SI: variants seen among roughly 807,000 people sequenced by gnomAD.
SI encodes sucrase-isomaltase, intestinal.
A neutral mutation model predicts 253.3 loss-of-function variants in SI; 235 were observed. That is an observed-to-expected ratio of 0.93 (90% confidence interval 0.83 to 1.03). SI has a LOEUF of 1.03. SI is among the 50% of genes least tolerant of loss of function. The probability of loss-of-function intolerance (pLI) is 0.00; values close to 1 mark genes in which losing one functional copy is unlikely to be tolerated. For synonymous variants in SI, 819 were observed against 712.0 expected (o/e 1.15, Z -2.39); for missense variants, 2,442 against 2,211.1 (o/e 1.10, Z -2.09).
chr3:165,010,279 C>A (rs1452794638), intron 34 of SI, among the ~76,000 whole-genome samples: 7 of 152,086 alleles, frequency 4.6e-5, no homozygotes, highest in African/African-American at 1.7e-4. Flanking sequence ...CCTGCCTCAG[C>A]CTCCAGAGTA....
At chr3:165,046,747 G>T in intron 16 of SI, 94 bp downstream of exon 16, 1 of 1,012,782 alleles carries the variant, frequency 9.9e-7, no homozygotes. Context: ...TCTGTAACAT[G>T]CCTTTTGATC....
At chr3:165,008,467 T>C (rs1576881947) in intron 35 of SI, among the ~76,000 whole-genome samples, 1 of 151,944 alleles carries the variant, frequency 6.6e-6, no homozygotes, top group East Asian at 1.9e-4. Flanking sequence ...ATGATCTAAA[T>C]AAATAAGTCA....
chr3:165,050,904 A>T lies in SI; in HGVS notation c.1513-1029T>A, dbSNP rs182672473. On this transcript the variant is annotated intron_variant, in intron 13 of 47. Transcript: ENST00000264382. ...TTTCAATCCTCCCTTTAACCTTAAC[A>T]CTCCTATATTAACTTTGCAATCATT... is the stretch of plus-strand genomic sequence containing the variant. Among the ~76,000 whole-genome samples the T allele has an allele frequency of 9.8e-4, 149 of 151,656 alleles. 3 individuals carry two copies. Among genetic ancestry groups the T allele is most frequent in the Non-Finnish European group, 8.0e-4 (54 of 67,874 alleles).
intron 3 of SI, among the ~76,000 whole-genome samples, chr3:165,070,192 A>G (rs1209739676): frequency 7.3e-6 from 1 of 136,354 alleles, no homozygotes; most frequent in Non-Finnish European, 1.6e-5. Flanking sequence ...ATTTATATAT[A>G]AAGTATATAT....
intron 13 of SI, among the ~76,000 whole-genome samples, chr3:165,051,352 C>G (rs1713418616): frequency 6.6e-6 from 1 of 151,946 alleles, no homozygotes; most frequent in Non-Finnish European, 1.5e-5. Context: ...TTTCCACTTC[C>G]CAAATGTTTT....
At chr3:165,050,061 T>C (rs1713348541) in intron 13 of SI, among the ~76,000 whole-genome samples, 186 bp from the exon 14 acceptor site, 1 of 152,088 alleles carries the variant, frequency 6.6e-6, no homozygotes, top group Admixed American at 6.6e-5. Flanking sequence ...GTATCTTAGA[T>C]GGGATAGAGA....
At chr3:165,001,878 T>C (rs1053683171) in intron 37 of SI, among the ~76,000 whole-genome samples, 1 of 151,520 alleles carries the variant, frequency 6.6e-6, no homozygotes, top group African/African-American at 2.4e-5. Flanking sequence ...GCACTCTTAT[T>C]TTTCCAGAAA....
chr3:165,061,012 T>C (rs1713960202), intron 9 of SI, among the ~76,000 whole-genome samples: 1 of 151,346 alleles, frequency 6.6e-6, no homozygotes, highest in African/African-American at 2.4e-5. Context: ...AAACTTGATA[T>C]CAAATAAACC....
intron 12 of SI, among the ~76,000 whole-genome samples, chr3:165,058,243 A>G (rs1713798357): frequency 1.3e-5 from 2 of 151,992 alleles, no homozygotes; most frequent in South Asian, 4.1e-4. Flanking sequence ...AAAACAAATG[A>G]TAATGGAAAC....
intron 26 of SI, among the ~76,000 whole-genome samples, chr3:165,022,574 C>T (rs145591712): frequency 6.8e-6 from 1 of 146,766 alleles, no homozygotes; most frequent in Non-Finnish European, 1.5e-5. Flanking sequence ...CACACACAAT[C>T]TTCTATGCTT....
the SI span, among the ~76,000 whole-genome samples, chr3:165,083,785 A>G: frequency 6.6e-6 from 1 of 152,062 alleles, no homozygotes; most frequent in East Asian, 1.9e-4. Context: ...ATGAATCAGG[A>G]AACTATTTGC....
chr3:165,058,975 T>C lies in SI; in HGVS notation c.1386A>G (p.Pro462=). ...VWINESDGST[P]IIGEVWPGLT... ...TATCATATTTTACCTCTCCAATAAT[T>C]GGTGTACTTCCATCTGACTCATTTA... Residue 462 remains proline, a synonymous_variant, in exon 12 of 48, where the codon CCA becomes CCG. Coordinates refer to ENST00000264382, the MANE Select transcript of SI (RefSeq NM_001041.4). The C allele has an allele frequency of 9.9e-6, 16 of 1,611,090 alleles. No individual in the cohort carries two copies. Among genetic ancestry groups the C allele is most frequent in the Non-Finnish European group, 1.4e-5 (16 of 1,177,874 alleles).
intron 40 of SI, 123 bp downstream of exon 40, chr3:164,996,412 C>G: frequency 1.4e-6 from 1 of 696,378 alleles, no homozygotes; most frequent in South Asian, 1.7e-5. Flanking sequence ...ACAATTTCCT[C>G]ACTACTCCAA....
At chr3:165,042,458 C>T (rs182081923) in intron 17 of SI, among the ~76,000 whole-genome samples, 1 of 152,190 alleles carries the variant, frequency 6.6e-6, no homozygotes, top group East Asian at 1.9e-4. Context: ...TGCCTATGAT[C>T]ATGAGCCCAC....
chr3:165,067,238 T>G, intron 6 of SI, 102 bp downstream of exon 6: 2 of 926,596 alleles, frequency 2.2e-6, no homozygotes, highest in Non-Finnish European at 3.2e-6. Flanking sequence ...CCTACCCTCT[T>G]TTGGGAGGAA....
chr3:165,040,939 C>A lies in SI; in HGVS notation c.2159+1G>T, dbSNP rs1445794918. Reference sequence around the variant, plus strand: ...TTATAATTATTGTACGTAGTACTCACTCATGAAGAACTGGTCTTGCTACTG... The same window carrying A: ...TTATAATTATTGTACGTAGTACTCAATCATGAAGAACTGGTCTTGCTACTG... On this transcript the variant is annotated splice_donor_variant, in intron 18 of 47. Coordinates refer to ENST00000264382, the MANE Select transcript of SI (RefSeq NM_001041.4). LOFTEE classifies it high-confidence loss of function. The A allele has an allele frequency of 6.2e-7, 1 of 1,606,382 alleles. No homozygotes were observed. The highest frequency in any genetic ancestry group is 8.5e-7 in the Non-Finnish European group (1 of 1,173,434).
chr3:165,062,381 T>G lies in SI; in HGVS notation c.1010A>C (p.Gln337Pro), dbSNP rs775297672. ...LGDTPEQVVQ[Q>P]YQQLVGLPAM... Reference sequence around the variant, plus strand: ...AGACCTGAAACACACCTGTTGATACTGTTGAACTACTTGTTCTGGTGTATC... The same window carrying G: ...AGACCTGAAACACACCTGTTGATACGGTTGAACTACTTGTTCTGGTGTATC... Residue 337 changes from glutamine to proline, a missense_variant, in exon 9 of 48, where the codon CAG becomes CCG. By Grantham distance (76) the Gln-to-Pro change is moderately conservative. Coordinates refer to ENST00000264382, the MANE Select transcript of SI (RefSeq NM_001041.4). 1.3e-6 allele frequency: 2 copies of G among 1,537,518 alleles called. No individual in the cohort carries two copies.
At chr3:165,086,108 G>T in the SI span, among the ~76,000 whole-genome samples, 4 of 152,148 alleles carry the variant, frequency 2.6e-5, no homozygotes, top group African/African-American at 7.2e-5. Context: ...ACAAAAATTA[G>T]CAGGGCATGG....
At chr3:165,015,800 A>C in intron 32 of SI, 152 bp downstream of exon 32, 1 of 733,670 alleles carries the variant, frequency 1.4e-6, no homozygotes, top group Non-Finnish European at 2.4e-6. Context: ...CATGCAAATA[A>C]AATGAAGTGC....
Sources: allele counts gnomAD v4.1 joint callset (sites outside exome capture counted in the v4.1 genomes callset), GRCh38; gene constraint gnomAD v4.1.1; transcripts MANE v1.5; gene names NCBI Gene and HGNC (gene_info 2026-07-23, HGNC 2026-07-21).